Variants in SLC17A5 observed in about 807,000 individuals in gnomAD.
The protein encoded by SLC17A5 is sialin.
A neutral mutation model predicts 59.4 loss-of-function variants in SLC17A5; 47 were observed. The ratio of observed to expected loss-of-function variants is 0.79; its 90% CI spans 0.63 to 1.01. The LOEUF (loss-of-function observed/expected upper bound fraction) is 1.01, where lower values mean the gene tolerates loss of function less well. SLC17A5 is among the 50% of genes least tolerant of loss of function. The pLI is 0.00. For missense variants in SLC17A5, 522 were observed against 595.5 expected (o/e 0.88, Z 1.28); for synonymous variants, 202 against 210.7 (o/e 0.96, Z 0.36).
At chr6:73,615,815 T>C (rs544053005) in intron 7 of SLC17A5, among the ~76,000 whole-genome samples, 7 of 151,876 alleles carry the variant, frequency 4.6e-5, no homozygotes, top group African/African-American at 1.7e-4. Context: ...TTAAAAAAAA[T>C]TTTTTTTACT....
At chr6:73,642,068 G>A (rs1769311704) in intron 2 of SLC17A5, 144 bp from the exon 3 acceptor site, 2 of 721,472 alleles carry the variant, frequency 2.8e-6, no homozygotes, top group Non-Finnish European at 4.9e-6. Flanking sequence ...TAGTAGGTGG[G>A]TGAGTCATAA....
At chr6:73,635,253 C>CATTT in intron 6 of SLC17A5, 129 bp downstream of exon 6, 1 of 616,798 alleles carries the variant, frequency 1.6e-6, no homozygotes, top group Non-Finnish European at 2.9e-6. Flanking sequence ...TTTGGATGTT[C>CATTT]ATTTCATTTG....
At position 73,632,434 on chromosome 6, in the gene SLC17A5, CTT is replaced by C. The variant is rs1163170650; in HGVS notation, c.819+2946_819+2947del. 1.4e-3 allele frequency among the ~76,000 whole-genome samples: 122 copies of C among 86,776 alleles called. 3 individuals carry two copies. The highest frequency in any genetic ancestry group is 6.1e-3 in the Admixed American group (39 of 6,382). 56.9% of individuals were successfully genotyped at this position (86,776 alleles called of 152,430 possible). On this transcript the variant is annotated intron_variant, in intron 6 of 10. Transcript: ENST00000355773. ...AAGACACATATCGATGTAGAGAAAG[CTT>C]TTTTTTTTTTTTTTTTTTTTTTTTA...
chr6:73,614,906 C>T (rs1356098977), intron 8 of SLC17A5, among the ~76,000 whole-genome samples: 1 of 152,118 alleles, frequency 6.6e-6, no homozygotes, highest in Non-Finnish European at 1.5e-5. Context: ...TCTGAGTTCT[C>T]TGAGATGCTC....
At chr6:73,632,390 A>T (rs72951366) in intron 6 of SLC17A5, among the ~76,000 whole-genome samples, 2,526 of 148,534 alleles carry the variant, frequency 0.017, 47 homozygotes, top group Non-Finnish European at 0.028. Flanking sequence ...TCGAGAAACA[A>T]CCTAAGTTTG....
chr6:73,623,672 T>TTATG (rs1768266706), intron 6 of SLC17A5, among the ~76,000 whole-genome samples: 1 of 118,222 alleles, frequency 8.5e-6, no homozygotes, highest in Non-Finnish European at 1.7e-5. Context: ...TTTTATTTAT[T>TTATG]TATTTATTTA....
intron 1 of SLC17A5, among the ~76,000 whole-genome samples, chr6:73,647,523 T>G (rs1004432556): frequency 4.6e-5 from 7 of 152,376 alleles, no homozygotes; most frequent in Admixed American, 2.0e-4. Flanking sequence ...CTGTAATTTG[T>G]AATGTTATTA....
chr6:73,615,304 G>T lies in SLC17A5; in HGVS notation c.1111+11C>A. The T allele has an allele frequency of 6.2e-7, 1 of 1,613,766 alleles. No individual in the cohort carries two copies. Among genetic ancestry groups the T allele is most frequent in the African/African-American group, 1.3e-5 (1 of 75,050 alleles). ...CTGTAAACCAAAACAAAACCTGATT[G>T]CTTCACTTACCTATAAGGCTAAAAA... On this transcript the variant is annotated intron_variant, in intron 8 of 10. Coordinates refer to ENST00000355773, the MANE Select transcript of SLC17A5 (RefSeq NM_012434.5).
chr6:73,632,494 G>A lies in SLC17A5; in HGVS notation c.819+2888C>T, dbSNP rs962505520. 5.1e-5 allele frequency among the ~76,000 whole-genome samples: 7 copies of A among 137,694 alleles called. 1 individual carries two copies. Among genetic ancestry groups the A allele is most frequent in the Admixed American group, 1.6e-4 (2 of 12,556 alleles). 90.3% of individuals were successfully genotyped at this position (137,694 alleles called of 152,430 possible). ...GTCTTGCTCTGTTGCCCAAGCTGGA[G>A]TGCAGTGGCACAAACACAGCTTACT... On this transcript the variant is annotated intron_variant, in intron 6 of 10. Transcript: ENST00000355773.
At chr6:73,634,551 CACCATGCCCAGCTAATTTTTGTATT>C (rs1768912229) in intron 6 of SLC17A5, among the ~76,000 whole-genome samples, 1 of 152,184 alleles carries the variant, frequency 6.6e-6, no homozygotes, top group African/African-American at 2.4e-5. Context: ...AGGTGTGTGC[CACCATGCCCAGCTAATTTTTGTATT>C]TTTAGCAGAG....
intron 1 of SLC17A5, among the ~76,000 whole-genome samples, chr6:73,646,941 A>G (rs1467274771): frequency 2.0e-5 from 3 of 152,134 alleles, no homozygotes; most frequent in Non-Finnish European, 4.4e-5. Flanking sequence ...CTCCCAAAGC[A>G]CTGGAATTAT....
At chr6:73,629,297 A>G (rs9446953) in intron 6 of SLC17A5, among the ~76,000 whole-genome samples, 24,870 of 152,148 alleles carry the variant, frequency 0.16, 3,143 homozygotes, top group African/African-American at 0.35. Flanking sequence ...CTGAGGTGGG[A>G]GGATGGCTTG....
At chr6:73,610,833 C>T (rs1041905043) in intron 8 of SLC17A5, among the ~76,000 whole-genome samples, 1 of 152,146 alleles carries the variant, frequency 6.6e-6, no homozygotes, top group Non-Finnish European at 1.5e-5. Context: ...AAGACAAGAA[C>T]AACTTAAAAA....
rs779281830 is a variant in SLC17A5 at position 73,621,903 on chromosome 6, A to G, written c.879T>C (p.Ala293=). Residue 293 remains alanine, a synonymous_variant, in exon 7 of 11, where the codon GCT becomes GCC. Transcript: ENST00000355773. ...TGTAAGAAAAGTGTGCAACTACGAT[A>G]GCCCAAAGTGGCAGGGATTTTAAAA... ...VPILKSLPLW[A]IVVAHFSYNW... 1 of 1,613,994 alleles carries G rather than the reference A, an allele frequency of 6.2e-7. No homozygotes were observed. The highest frequency in any genetic ancestry group is 1.1e-5 in the South Asian group (1 of 91,082).
At chr6:73,607,681 G>A (rs1767455225) in intron 9 of SLC17A5, among the ~76,000 whole-genome samples, 1 of 152,042 alleles carries the variant, frequency 6.6e-6, no homozygotes, top group Admixed American at 6.6e-5. Flanking sequence ...GGAACCTGAT[G>A]AATCCTAAGC....
At position 73,651,483 on chromosome 6, in the gene SLC17A5, A is replaced by AAAC. The variant is rs1368983159; in HGVS notation, c.94+2309_94+2310insGTT. 9.8e-3 allele frequency among the ~76,000 whole-genome samples: 1,313 copies of AAAC among 133,672 alleles called. 71 individuals carry two copies. The highest frequency in any genetic ancestry group is 0.018 in the Non-Finnish European group (1,059 of 59,656). The allele number at this position is 133,672 out of a possible 152,430, so 87.7% of individuals were successfully genotyped here. On this transcript the variant is annotated intron_variant, in intron 1 of 10. Coordinates refer to ENST00000355773, the MANE Select transcript of SLC17A5 (RefSeq NM_012434.5). ...CTCAAAAAAAAAAAAAAAAAAAAAA[A>AAAC]ATCAGGACATAATTGAGGAAATATG...
intron 1 of SLC17A5, among the ~76,000 whole-genome samples, chr6:73,648,023 C>T (rs1769667212): frequency 6.6e-6 from 1 of 152,010 alleles, no homozygotes; most frequent in African/African-American, 2.4e-5. Flanking sequence ...GAGCCGAGAT[C>T]ACGCCATCGC....
chr6:73,615,072 T>C (rs1368053108), intron 8 of SLC17A5, among the ~76,000 whole-genome samples: 5 of 152,140 alleles, frequency 3.3e-5, no homozygotes, highest in African/African-American at 1.2e-4. Context: ...GATCTGATGC[T>C]ACCGCCAGCT....
intron 1 of SLC17A5, chr6:73,653,486 C>A: frequency 1.0e-6 from 1 of 984,420 alleles, no homozygotes; most frequent in Non-Finnish European, 1.2e-6. Context: ...TCAGCGCCGG[C>A]TGCACCGCCG....
Sources: gnomAD v4.1 joint callset for allele counts (sites outside exome capture counted in the v4.1 genomes callset) on GRCh38, gnomAD v4.1.1 for gene constraint, MANE v1.5 for transcripts, NCBI Gene and HGNC (gene_info 2026-07-23, HGNC 2026-07-21) for gene names.